The following SHQ1 variants were observed in gnomAD, a reference collection of about 807,000 sequenced individuals.
SHQ1 encodes the protein SHQ1, H/ACA ribonucleoprotein assembly factor.
SHQ1 carries 49 observed loss-of-function variants against 53.8 expected under a neutral mutation model. The observed-to-expected ratio is 0.91, with a 90% CI of 0.72 to 1.16. SHQ1 has a LOEUF of 1.16. Among genes scored for constraint, SHQ1 ranks in the 50% most tolerant of loss-of-function variants. SHQ1 has a pLI of 0.00. For missense variants in SHQ1, 738 were observed against 683.1 expected (o/e 1.08, Z -0.90); for synonymous variants, 243 against 251.0 (o/e 0.97, Z 0.30).
At chr3:72,737,060 A>G in the SHQ1 span, among the ~76,000 whole-genome samples, 1 of 152,062 alleles carries the variant, frequency 6.6e-6, no homozygotes, top group Non-Finnish European at 1.5e-5. Context: ...GCCTAAGCTC[A>G]GGAGTTCGAG....
At chr3:72,790,245 CG>C (rs1706393628) in intron 10 of SHQ1, among the ~76,000 whole-genome samples, 1 of 152,124 alleles carries the variant, frequency 6.6e-6, no homozygotes, top group East Asian at 1.9e-4. Flanking sequence ...AAACCTAGTA[CG>C]AAAGCAGAAG....
At chr3:72,817,905 T>G (rs140721338) in intron 6 of SHQ1, among the ~76,000 whole-genome samples, 223 of 152,240 alleles carry the variant, frequency 1.5e-3, no homozygotes, top group African/African-American at 5.2e-3. Flanking sequence ...TAAATCAAGT[T>G]TTACATATGA....
intron 4 of SHQ1, among the ~76,000 whole-genome samples, chr3:72,838,909 TGATACATTAGTTAA>T (rs1708076260): frequency 6.6e-6 from 1 of 151,834 alleles, no homozygotes; most frequent in South Asian, 2.1e-4. Flanking sequence ...TCTAGGTATT[TGATACATTAGTTAA>T]GACATCCAAA....
intron 10 of SHQ1, among the ~76,000 whole-genome samples, chr3:72,781,202 G>A (rs370158797): frequency 1.3e-5 from 2 of 152,028 alleles, no homozygotes; most frequent in South Asian, 2.1e-4. Flanking sequence ...TGGGATTACA[G>A]GCACGTGCCA....
rs1048537937 is a variant in SHQ1, at chr3:72,772,610, G to A, written c.1181+20306C>T. 4 of 704,190 alleles carry A rather than the reference G, an allele frequency of 5.7e-6. No individual in the cohort carries two copies. In the African/African-American group the frequency reaches 7.0e-5, roughly 12 times the overall value. The allele number at this position is 704,190 out of a possible 1,614,324, so 43.6% of individuals were successfully genotyped here. A position where few individuals can be genotyped will look rare whatever the true frequency, so the allele number is the denominator to read the frequency against. Reference sequence around the variant, plus strand: ...ATTAAACTAAAAAACATTTTCTTAGGACTTGCATATATTATTGTACAAAAG... The same window carrying A: ...ATTAAACTAAAAAACATTTTCTTAGAACTTGCATATATTATTGTACAAAAG... On this transcript the variant is annotated intron_variant, in intron 10 of 10. Transcript: ENST00000325599.
intron 6 of SHQ1, among the ~76,000 whole-genome samples, chr3:72,818,210 T>A (rs17010179): frequency 1.5e-3 from 229 of 152,094 alleles, no homozygotes; most frequent in African/African-American, 5.3e-3. Flanking sequence ...CTCTGGCAAA[T>A]CCCTAAAAGT....
At chr3:72,785,446 C>T (rs762127331) in intron 10 of SHQ1, among the ~76,000 whole-genome samples, 15 of 152,134 alleles carry the variant, frequency 9.9e-5, no homozygotes, top group Non-Finnish European at 1.8e-4. Flanking sequence ...GGTCACATAG[C>T]GAAATTCCAC....
the SHQ1 span, among the ~76,000 whole-genome samples, chr3:72,734,321 A>T: frequency 6.6e-6 from 1 of 151,016 alleles, no homozygotes. Flanking sequence ...CAGTGATGTG[A>T]TCTCGACTCA....
intron 10 of SHQ1, among the ~76,000 whole-genome samples, chr3:72,790,578 A>C (rs1575695233): frequency 1.4e-5 from 2 of 138,254 alleles, no homozygotes; most frequent in East Asian, 2.2e-4. Flanking sequence ...TCCTTACGAA[A>C]ATCATGGATC....
At chr3:72,754,179 A>T (rs1262500808) in intron 10 of SHQ1, among the ~76,000 whole-genome samples, 1 of 152,168 alleles carries the variant, frequency 6.6e-6, no homozygotes, top group Non-Finnish European at 1.5e-5. Context: ...CACCTTGTGA[A>T]TCAGTGCCAT....
At chr3:72,725,720 T>C in the SHQ1 span, among the ~76,000 whole-genome samples, 1 of 152,162 alleles carries the variant, frequency 6.6e-6, no homozygotes, top group African/African-American at 2.4e-5. Flanking sequence ...TAGATGCTTG[T>C]TGAATGAATA....
In SHQ1 at chr3:72,848,416, C is replaced by T. The variant is rs1442475904; in HGVS notation, c.-76G>A. On this transcript the variant is annotated 5_prime_UTR_variant, in exon 1 of 11. Coordinates refer to ENST00000325599, the MANE Select transcript of SHQ1 (RefSeq NM_018130.3). ...TTCCCGCCACGCAAACTCTCCAACTCCCCACGCGCAGGAACTCTCGGTGTG... is the reference window on the plus strand; with the variant it reads ...TTCCCGCCACGCAAACTCTCCAACTTCCCACGCGCAGGAACTCTCGGTGTG... The T allele has an allele frequency of 7.0e-6, 11 of 1,579,898 alleles. No homozygotes were observed. The East Asian group carries it at 2.0e-4, about 29-fold the overall frequency.
In SHQ1 at chr3:72,750,690, G is replaced by A; in HGVS notation, c.1328C>T (p.Ser443Phe). ...GCTGGAGCAAAGTGTCTGCTGCCCA[G>A]AAACTGAATGGGCTGCTTTTAATGC... is the stretch of plus-strand genomic sequence containing the variant. ...ETALKAAHSVSGQQTLCSSSE... is the reference protein window; with the variant it reads ...ETALKAAHSVFGQQTLCSSSE... Residue 443 changes from serine to phenylalanine, a missense_variant, in exon 11 of 11, where the codon TCT (serine) becomes TTT (phenylalanine). Transcript: ENST00000325599. 1 of 1,599,962 alleles carries A rather than the reference G, an allele frequency of 6.3e-7. No individual in the cohort carries two copies.
chr3:72,790,002 T>C (rs1372604635), intron 10 of SHQ1, among the ~76,000 whole-genome samples: 1 of 152,182 alleles, frequency 6.6e-6, no homozygotes, highest in Non-Finnish European at 1.5e-5. Flanking sequence ...ATAAGACATA[T>C]AACCTCAAAC....
chr3:72,830,147 C>T (rs912154798), intron 5 of SHQ1, among the ~76,000 whole-genome samples: 18 of 151,308 alleles, frequency 1.2e-4, no homozygotes, highest in South Asian at 2.1e-4. Context: ...AAAATAACAT[C>T]CAGATTTTAC....
At chr3:72,746,032 A>G (rs956159209), downstream of SHQ1, among the ~76,000 whole-genome samples, 1 of 152,036 alleles carries the variant, frequency 6.6e-6, no homozygotes, top group African/African-American at 2.4e-5. Flanking sequence ...TAGTAGACAC[A>G]GGGTTTCACC....
At chr3:72,823,668 T>A (rs1409183725) in intron 6 of SHQ1, among the ~76,000 whole-genome samples, 1 of 152,208 alleles carries the variant, frequency 6.6e-6, no homozygotes, top group Non-Finnish European at 1.5e-5. Flanking sequence ...AAACCGGGTA[T>A]ACGTGAGTCT....
intron 9 of SHQ1, 38 bp from the exon 10 acceptor site, chr3:72,793,074 A>G: frequency 1.3e-6 from 2 of 1,547,818 alleles, no homozygotes; most frequent in Non-Finnish European, 1.8e-6. Flanking sequence ...TATCCTTAAG[A>G]AAAAGAAATT....
chr3:72,728,234 G>A, the SHQ1 span, among the ~76,000 whole-genome samples: 3 of 152,232 alleles, frequency 2.0e-5, no homozygotes, highest in Non-Finnish European at 4.4e-5. Flanking sequence ...AAGCAAGGCG[G>A]TGCTTTTGTG....
Sources: gnomAD v4.1 joint callset for allele counts (sites outside exome capture counted in the v4.1 genomes callset) on GRCh38, gnomAD v4.1.1 for gene constraint, MANE v1.5 for transcripts, NCBI Gene and HGNC (gene_info 2026-07-23, HGNC 2026-07-21) for gene names.